CELF4: variants seen among roughly 807,000 people sequenced by gnomAD.
The protein encoded by CELF4 is CUG-BP- and ETR-3-like factor 4.
In CELF4, 18 loss-of-function variants were observed where a neutral mutation model predicts 59.9. The ratio of observed to expected loss-of-function variants is 0.30; its 90% CI spans 0.21 to 0.45. The LOEUF (loss-of-function observed/expected upper bound fraction) is 0.45, where lower values mean the gene tolerates loss of function less well. Ranked by LOEUF, CELF4 falls within the 20% of genes least tolerant of loss-of-function variation. CELF4 has a pLI of 1.00. For synonymous variants in CELF4, 261 were observed against 267.1 expected (o/e 0.98, Z 0.22); for missense variants, 456 against 689.0 (o/e 0.66, Z 3.79).
chr18:37,319,204 G>T (rs530756855), intron 3 of CELF4, among the ~76,000 whole-genome samples: 5 of 152,344 alleles, frequency 3.3e-5, no homozygotes, highest in Non-Finnish European at 5.9e-5. Context: ...CCCTCGCACT[G>T]CTGTGGGCCT....
chr18:37,302,800 C>G (rs13380925), intron 3 of CELF4, among the ~76,000 whole-genome samples: 3,602 of 152,230 alleles, frequency 0.024, 134 homozygotes, highest in African/African-American at 0.082. Flanking sequence ...GAGGGTGGTG[C>G]GGGGAGCAGG....
chr18:37,379,040 C>T lies in CELF4; in HGVS notation c.370-57159G>A, dbSNP rs139648200. On this transcript the variant is annotated intron_variant, in intron 2 of 12. Transcript: ENST00000420428. ...TCTGACCATGCTGCTGGCTCTTCCT[C>T]ACCTGGGGGCTTGCACTGCTTGTCC... Among the ~76,000 whole-genome samples, 318 of 152,342 alleles carry T rather than the reference C, an allele frequency of 2.1e-3. 2 individuals carry two copies. The highest frequency in any genetic ancestry group is 2.3e-3 in the Non-Finnish European group (154 of 68,012).
At chr18:37,258,196 T>C (rs556908624) in intron 11 of CELF4, among the ~76,000 whole-genome samples, 1 of 152,264 alleles carries the variant, frequency 6.6e-6, no homozygotes, top group East Asian at 1.9e-4. Context: ...TCCTGCAAAC[T>C]GTATTTTTAT....
intron 3 of CELF4, among the ~76,000 whole-genome samples, chr18:37,313,425 C>T (rs1367288290): frequency 6.6e-6 from 1 of 152,196 alleles, no homozygotes; most frequent in Admixed American, 6.5e-5. Context: ...ATTGACACTT[C>T]TGTATATTGA....
intron 3 of CELF4, among the ~76,000 whole-genome samples, chr18:37,304,984 A>T (rs1312575678): frequency 6.6e-6 from 1 of 152,120 alleles, no homozygotes; most frequent in Non-Finnish European, 1.5e-5. Flanking sequence ...TGGCTCAGGG[A>T]TGGTGGTGGC....
rs1349145252 is a variant in CELF4 at position 37,244,090 on chromosome 18, AAAG to A, written c.*1149_*1151del. ...ATTGATGCTCTGTCTAAACTCTACA[AAAG>A]TACAGTCCTACAACATCTGGGATTT... On this transcript the variant is annotated 3_prime_UTR_variant, in exon 13 of 13. Coordinates refer to ENST00000420428, the MANE Select transcript of CELF4 (RefSeq NM_020180.4). The A allele has an allele frequency of 6.4e-6, 1 of 155,352 alleles. No individual in the cohort carries two copies. Among genetic ancestry groups the A allele is most frequent in the Non-Finnish European group, 1.4e-5 (1 of 69,846 alleles). The allele number at this position is 155,352 out of a possible 1,614,324, so 9.6% of individuals were successfully genotyped here.
intron 8 of CELF4, among the ~76,000 whole-genome samples, chr18:37,267,592 G>T (rs1226025114): frequency 6.6e-6 from 1 of 152,304 alleles, no homozygotes; most frequent in Non-Finnish European, 1.5e-5. Context: ...GATGTGGCAG[G>T]AAGAAACTAT....
At chr18:37,316,160 C>T (rs2154507690) in intron 3 of CELF4, among the ~76,000 whole-genome samples, 1 of 152,222 alleles carries the variant, frequency 6.6e-6, no homozygotes, top group African/African-American at 2.4e-5. Context: ...GTCTGCCTGC[C>T]AGGAGGCATA....
At chr18:37,449,348 G>A (rs1192323152) in intron 2 of CELF4, among the ~76,000 whole-genome samples, 2 of 152,158 alleles carry the variant, frequency 1.3e-5, no homozygotes, top group Non-Finnish European at 2.9e-5. Flanking sequence ...ACAGGGAAAG[G>A]AAGAAGCGTG....
chr18:37,276,212 G>A (rs1242022820), intron 3 of CELF4: 2 of 152,334 alleles, frequency 1.3e-5, no homozygotes, highest in Admixed American at 1.3e-4. Context: ...ATCCCATGCT[G>A]TGTGCTCAGG....
intron 1 of CELF4, among the ~76,000 whole-genome samples, chr18:37,511,465 A>G (rs886132270): frequency 6.6e-6 from 1 of 151,978 alleles, no homozygotes. Context: ...GGCCTCCCTC[A>G]GGACTTGAAT....
chr18:37,289,637 G>A (rs2095176215), intron 3 of CELF4, among the ~76,000 whole-genome samples: 1 of 152,082 alleles, frequency 6.6e-6, no homozygotes, highest in Admixed American at 6.5e-5. Flanking sequence ...CTCTGTGCCA[G>A]CTGGCCATCT....
At chr18:37,498,449 C>T (rs2099927695) in intron 1 of CELF4, among the ~76,000 whole-genome samples, 1 of 145,420 alleles carries the variant, frequency 6.9e-6, no homozygotes, top group Non-Finnish European at 1.5e-5. Flanking sequence ...CCTTTCTTCC[C>T]CTCCCCTCCT....
At chr18:37,446,697 C>T (rs2099749120) in intron 2 of CELF4, among the ~76,000 whole-genome samples, 1 of 152,092 alleles carries the variant, frequency 6.6e-6, no homozygotes, top group Admixed American at 6.6e-5. Flanking sequence ...ACCCTTCCTC[C>T]TCTCTCTACC....
At chr18:37,544,797 A>G (rs2099980249) in intron 1 of CELF4, among the ~76,000 whole-genome samples, 1 of 152,178 alleles carries the variant, frequency 6.6e-6, no homozygotes, top group African/African-American at 2.4e-5. Flanking sequence ...CCCCCGAGGA[A>G]GAAAGCTGAG....
intron 2 of CELF4, among the ~76,000 whole-genome samples, chr18:37,459,396 G>A (rs554692908): frequency 2.6e-5 from 4 of 152,258 alleles, no homozygotes; most frequent in South Asian, 2.1e-4. Flanking sequence ...CAGAGCTCTT[G>A]AACTTCCAGT....
Position 37,284,425 on chromosome 18 carries a change from C to T in CELF4, c.449-9182G>A, listed in dbSNP as rs74761101. 7.9e-3 allele frequency among the ~76,000 whole-genome samples: 1,200 copies of T among 152,324 alleles called. 14 individuals carry two copies. Among genetic ancestry groups the T allele is most frequent in the African/African-American group, 0.028 (1,146 of 41,582 alleles). ...TGGGAGCCTGGCCTGGGCCTCCAAC[C>T]CTGGGCCCATTCTTCTCGCCTGCGC... On this transcript the variant is annotated intron_variant, in intron 3 of 12. Transcript: ENST00000420428.
intron 12 of CELF4, chr18:37,247,244 G>A (rs1413203346): frequency 3.3e-5 from 5 of 152,026 alleles, no homozygotes; most frequent in African/African-American, 9.7e-5. Flanking sequence ...CTAGCTCAGC[G>A]CGAGACTGTG....
chr18:37,492,537 G>A (rs868687448), intron 1 of CELF4, among the ~76,000 whole-genome samples: 9 of 152,102 alleles, frequency 5.9e-5, no homozygotes, highest in African/African-American at 7.2e-5. Context: ...TCTGTCTTTC[G>A]TGCTCTGGGT....
Sources: allele counts gnomAD v4.1 joint callset (sites outside exome capture counted in the v4.1 genomes callset), GRCh38; gene constraint gnomAD v4.1.1; transcripts MANE v1.5; gene names NCBI Gene and HGNC (gene_info 2026-07-23, HGNC 2026-07-21).